The following ST8SIA1 variants were observed in gnomAD, a reference collection of about 807,000 sequenced individuals.
The protein encoded by ST8SIA1 is ST8 alpha-N-acetyl-neuraminide alpha-2,8-sialyltransferase 1, also known as alpha-N-acetylneuraminide alpha-2,8-sialyltransferase.
ST8SIA1 carries 16 observed loss-of-function variants against 35.9 expected under a neutral mutation model. That is an observed-to-expected ratio of 0.45 (90% CI 0.30 to 0.68). ST8SIA1 has a LOEUF of 0.68. Among genes scored for constraint, ST8SIA1 ranks in the 30% least tolerant of loss-of-function variants. The pLI, the probability that ST8SIA1 is intolerant of heterozygous loss-of-function variation, is 0.09. For synonymous variants in ST8SIA1, 170 were observed against 169.6 expected, an observed-to-expected ratio of 1.00 and a Z score of -0.02; for missense variants, 383 against 453.6, an observed-to-expected ratio of 0.84 and a Z score of 1.41.
At chr12:22,252,728 T>C (rs1455358235) in intron 3 of ST8SIA1, among the ~76,000 whole-genome samples, 1 of 152,212 alleles carries the variant, frequency 6.6e-6, no homozygotes, top group Non-Finnish European at 1.5e-5. Flanking sequence ...TAAAAAAGTC[T>C]TGTTTACTTG....
rs965956996 is a variant in ST8SIA1, at chr12:22,237,312, G to C, written c.584+11694C>G. Among the ~76,000 whole-genome samples the C allele has an allele frequency of 2.0e-5, 3 of 152,108 alleles. No individual in the cohort carries two copies. In the East Asian group the frequency reaches 5.8e-4, roughly 29 times the overall value. ...AGGTCTCACTATATGGCCCAGGCTG[G>C]TCTCAAACCCCTGGCCTCAAGCAGT... is the stretch of plus-strand genomic sequence containing the variant. On this transcript the variant is annotated intron_variant, in intron 4 of 4. Coordinates refer to ENST00000396037, the MANE Select transcript of ST8SIA1 (RefSeq NM_003034.4).
intron 1 of ST8SIA1, among the ~76,000 whole-genome samples, chr12:22,331,922 T>G (rs1401532142): frequency 1.3e-5 from 2 of 152,224 alleles, no homozygotes; most frequent in East Asian, 3.8e-4. Flanking sequence ...AACCATTTTC[T>G]GGGTACACAA....
rs1430013737 is a variant in ST8SIA1, at chr12:22,212,178, T to C, written c.585-10140A>G. Among the ~76,000 whole-genome samples the C allele has an allele frequency of 2.6e-5, 4 of 152,246 alleles. No individual in the cohort carries two copies. In the East Asian group the frequency reaches 7.7e-4, roughly 29 times the overall value. On this transcript the variant is annotated intron_variant, in intron 4 of 4. Coordinates refer to ENST00000396037, the MANE Select transcript of ST8SIA1 (RefSeq NM_003034.4). ...TTTATCTCCTGACCATATTGCGTTTTAAAAGTCCACTTCTTTTACACACAA... is the reference window on the plus strand; with the variant it reads ...TTTATCTCCTGACCATATTGCGTTTCAAAAGTCCACTTCTTTTACACACAA...
intron 2 of ST8SIA1, among the ~76,000 whole-genome samples, chr12:22,261,139 T>C (rs1045838764): frequency 6.6e-6 from 1 of 151,970 alleles, no homozygotes; most frequent in Non-Finnish European, 1.5e-5. Flanking sequence ...TCATTGGTCC[T>C]TTGAGGGTGT....
chr12:22,234,341 G>A (rs1401324190), intron 4 of ST8SIA1, among the ~76,000 whole-genome samples: 2 of 151,538 alleles, frequency 1.3e-5, no homozygotes, highest in Admixed American at 1.3e-4. Flanking sequence ...TTCTATAATA[G>A]TATTGTGAAT....
At chr12:22,288,627 G>T (rs1436441404) in intron 1 of ST8SIA1, among the ~76,000 whole-genome samples, 1 of 152,134 alleles carries the variant, frequency 6.6e-6, no homozygotes, top group Non-Finnish European at 1.5e-5. Flanking sequence ...TGAGATCTTC[G>T]TTGGCTTTGC....
chr12:22,299,525 T>C (rs879880373), intron 1 of ST8SIA1, among the ~76,000 whole-genome samples: 5 of 152,094 alleles, frequency 3.3e-5, no homozygotes, highest in Non-Finnish European at 7.4e-5. Context: ...AGAGGCTGTA[T>C]TAAAAAATGT....
At chr12:22,287,560 T>A (rs1309108569) in intron 1 of ST8SIA1, among the ~76,000 whole-genome samples, 1 of 151,656 alleles carries the variant, frequency 6.6e-6, no homozygotes, top group Non-Finnish European at 1.5e-5. Context: ...AGGTGAGATA[T>A]GTCAAAAGAT....
chr12:22,246,033 G>A (rs900120624), intron 4 of ST8SIA1, among the ~76,000 whole-genome samples: 3 of 152,110 alleles, frequency 2.0e-5, no homozygotes, highest in South Asian at 2.1e-4. Flanking sequence ...ACCAGTAAAC[G>A]TAAATAAGCG....
chr12:22,235,140 T>A (rs796228968), intron 4 of ST8SIA1, among the ~76,000 whole-genome samples: 26 of 152,334 alleles, frequency 1.7e-4, no homozygotes, highest in African/African-American at 6.0e-4. Context: ...ATGCATATCA[T>A]GATTTATAAA....
At chr12:22,299,960 A>C (rs975278274) in intron 1 of ST8SIA1, among the ~76,000 whole-genome samples, 1 of 152,184 alleles carries the variant, frequency 6.6e-6, no homozygotes, top group Admixed American at 6.6e-5. Context: ...CACTACAGAA[A>C]GTCTTTTCTT....
intron 2 of ST8SIA1, among the ~76,000 whole-genome samples, chr12:22,272,985 A>T (rs1432666726): frequency 6.6e-6 from 1 of 152,232 alleles, no homozygotes; most frequent in Non-Finnish European, 1.5e-5. Flanking sequence ...CTAATGACAC[A>T]AGAGTAACAT....
intron 1 of ST8SIA1, among the ~76,000 whole-genome samples, chr12:22,298,726 C>T (rs1031914512): frequency 2.6e-5 from 4 of 152,162 alleles, no homozygotes; most frequent in African/African-American, 9.7e-5. Context: ...ATTGTGAAAA[C>T]AGTCAGGCAG....
intron 1 of ST8SIA1, chr12:22,325,161 A>T (rs949701603): frequency 1.7e-5 from 6 of 348,594 alleles, no homozygotes; most frequent in Non-Finnish European, 3.1e-5. Flanking sequence ...TCAGACAAAT[A>T]ATAAACACTA....
At chr12:22,333,899 C>G in intron 1 of ST8SIA1, 98 bp downstream of exon 1, 1 of 1,053,946 alleles carries the variant, frequency 9.5e-7, no homozygotes, top group South Asian at 1.2e-5. Flanking sequence ...AGGGATGCCT[C>G]TGCGAGACGG....
rs1045472898 is a variant in ST8SIA1, at chr12:22,231,275, T to C, written c.584+17731A>G. 2.0e-5 allele frequency among the ~76,000 whole-genome samples: 3 copies of C among 151,758 alleles called. No homozygotes were observed. The South Asian group carries it at 6.2e-4, about 31-fold the overall frequency. Reference sequence around the variant, plus strand: ...AAGACCCATGTCCTGCTGGAAATGCTGACTTGACATTCCAACTGTTCCACG... The same window carrying C: ...AAGACCCATGTCCTGCTGGAAATGCCGACTTGACATTCCAACTGTTCCACG... On this transcript the variant is annotated intron_variant, in intron 4 of 4. Coordinates refer to ENST00000396037, the MANE Select transcript of ST8SIA1 (RefSeq NM_003034.4).
chr12:22,255,264 G>A lies in ST8SIA1; in HGVS notation c.491+16C>T. 6.2e-7 allele frequency: 1 copy of A among 1,605,802 alleles called. No homozygotes were observed. Among genetic ancestry groups the A allele is most frequent in the Non-Finnish European group, 8.5e-7 (1 of 1,172,474 alleles). On this transcript the variant is annotated intron_variant, in intron 3 of 4. Coordinates refer to ENST00000396037, the MANE Select transcript of ST8SIA1 (RefSeq NM_003034.4). ...GGAGAGAAGGCAGAGGCCGCGCTGTGGGTGCTCTCTCTTACCGCATGACAA... is the reference window on the plus strand; with the variant it reads ...GGAGAGAAGGCAGAGGCCGCGCTGTAGGTGCTCTCTCTTACCGCATGACAA...
chr12:22,265,501 T>C (rs1865837327), intron 2 of ST8SIA1, among the ~76,000 whole-genome samples: 1 of 152,250 alleles, frequency 6.6e-6, no homozygotes, highest in South Asian at 2.1e-4. Context: ...CTATGACAAT[T>C]GGCAAGTTAT....
intron 2 of ST8SIA1, among the ~76,000 whole-genome samples, chr12:22,262,431 C>T (rs541133756): frequency 2.1e-3 from 314 of 152,290 alleles, no homozygotes; most frequent in Non-Finnish European, 4.2e-3. Flanking sequence ...CCAGCTGGGA[C>T]TCCACCCCCA....
Sources: allele counts gnomAD v4.1 joint callset (sites outside exome capture counted in the v4.1 genomes callset), GRCh38; gene constraint gnomAD v4.1.1; transcripts MANE v1.5; gene names NCBI Gene and HGNC (gene_info 2026-07-23, HGNC 2026-07-21).